Variants in USP7 observed in about 807,000 individuals in gnomAD.
The protein encoded by USP7 is ubiquitin C-terminal hydrolase 7.
In USP7, 9 loss-of-function variants were observed where a neutral mutation model predicts 162.9. That is an observed-to-expected ratio of 0.06 (90% CI 0.03 to 0.10). The LOEUF (loss-of-function observed/expected upper bound fraction) is 0.10. Among genes scored for constraint, USP7 ranks in the 10% least tolerant of loss-of-function variants. USP7 has a pLI of 1.00. For synonymous variants in USP7, 562 were observed against 475.9 expected, an observed-to-expected ratio of 1.18 and a Z score of -2.35; for missense variants, 715 against 1,373.7, an observed-to-expected ratio of 0.52 and a Z score of 7.58.
chr16:8,936,121 G>C (rs1317316630), intron 1 of USP7, among the ~76,000 whole-genome samples: 1 of 152,168 alleles, frequency 6.6e-6, no homozygotes, highest in Non-Finnish European at 1.5e-5. Context: ...CTGCCACCAG[G>C]TGGTGCCTTG....
At chr16:8,936,898 A>C (rs1898769482) in intron 1 of USP7, among the ~76,000 whole-genome samples, 1 of 152,174 alleles carries the variant, frequency 6.6e-6, no homozygotes, top group Non-Finnish European at 1.5e-5. Flanking sequence ...TGGCTGTGAC[A>C]AATCTGGTTT....
intron 1 of USP7, among the ~76,000 whole-genome samples, chr16:8,958,726 C>T (rs1012451857): frequency 2.6e-5 from 4 of 152,214 alleles, no homozygotes; most frequent in Non-Finnish European, 2.9e-5. Context: ...CTAGCACTCA[C>T]GCAAGAATCA....
chr16:8,936,716 CTTTT>C, intron 1 of USP7: 2 of 1,415,884 alleles, frequency 1.4e-6, no homozygotes, highest in Non-Finnish European at 1.8e-6. Flanking sequence ...CCTCAGCATT[CTTTT>C]TTATTTTTTA....
At position 8,963,255 on chromosome 16, in the gene USP7, T is replaced by G. The variant is rs1435667134; in HGVS notation, c.31A>C (p.Lys11Gln). The change falls in exon 1 of 31, where the codon AAA becomes CAA. Residue 11 changes from lysine to glutamine, a missense_variant. Physicochemically the swap from Lys to Gln is moderately conservative, Grantham distance 53. Transcript: ENST00000344836. MNHQQQQQQQ[K>Q]AGEQQLSEPE... ...TCGCTCAACTGCTGCTCGCCCGCTT[T>G]CTGCTGCTGCTGCTGCTGCTGGTGG... The G allele has an allele frequency of 7.3e-7, 1 of 1,373,144 alleles. No individual in the cohort carries two copies. The highest frequency in any genetic ancestry group is 2.6e-5 in the Admixed American group (1 of 38,756). The allele number at this position is 1,373,144 out of a possible 1,614,324, so 85.1% of individuals were successfully genotyped here.
chr16:8,962,024 G>A (rs1900036103), intron 1 of USP7, among the ~76,000 whole-genome samples: 1 of 152,182 alleles, frequency 6.6e-6, no homozygotes, highest in South Asian at 2.1e-4. Context: ...CCAATTACTG[G>A]AAGTAAGTTA....
chr16:8,947,418 G>C (rs958608850), intron 1 of USP7, among the ~76,000 whole-genome samples: 1 of 151,598 alleles, frequency 6.6e-6, no homozygotes, highest in Non-Finnish European at 1.5e-5. Context: ...GTGCCATCTC[G>C]GCTCACTGCA....
intron 3 of USP7, 83 bp from the exon 4 acceptor site, chr16:8,921,378 C>CA (rs1229361282): frequency 6.8e-7 from 1 of 1,476,332 alleles, no homozygotes; most frequent in Non-Finnish European, 9.2e-7. Flanking sequence ...CATAGCACAC[C>CA]AAAATTCCCA....
chr16:8,916,433 G>T, intron 8 of USP7, 69 bp downstream of exon 8: 1 of 1,485,500 alleles, frequency 6.7e-7, no homozygotes, highest in South Asian at 1.3e-5. Context: ...GGTTTTACTT[G>T]GTAATAACTT....
At chr16:8,930,709 C>T (rs1192668585) in intron 1 of USP7, among the ~76,000 whole-genome samples, 1 of 152,136 alleles carries the variant, frequency 6.6e-6, no homozygotes, top group Admixed American at 6.5e-5. Flanking sequence ...TGGCTCATGC[C>T]TGTAATCCTA....
intron 1 of USP7, chr16:8,935,829 C>A (rs1399054029): frequency 6.6e-6 from 1 of 152,152 alleles, no homozygotes; most frequent in African/African-American, 2.4e-5. Flanking sequence ...AATGCCTATA[C>A]CCAGCTTTCC....
chr16:8,902,024 A>G, intron 18 of USP7, 58 bp downstream of exon 18: 1 of 1,419,446 alleles, frequency 7.0e-7, no homozygotes, highest in Admixed American at 1.7e-5. Flanking sequence ...TTAGAACAAC[A>G]ATCCAGGAAT....
chr16:8,932,800 G>C (rs1272882967), intron 1 of USP7, among the ~76,000 whole-genome samples: 1 of 152,046 alleles, frequency 6.6e-6, no homozygotes, highest in Non-Finnish European at 1.5e-5. Flanking sequence ...GGACAAAGCA[G>C]GATAGTGCCT....
At chr16:8,942,640 C>CA (rs1218942808) in intron 1 of USP7, among the ~76,000 whole-genome samples, 15 of 152,190 alleles carry the variant, frequency 9.9e-5, no homozygotes, top group Non-Finnish European at 1.5e-5. Context: ...CATGACCTCC[C>CA]AGGCTCAAGC....
chr16:8,915,420 T>G, intron 9 of USP7, 25 bp downstream of exon 9: 1 of 1,613,648 alleles, frequency 6.2e-7, no homozygotes, highest in Non-Finnish European at 8.5e-7. Context: ...TTAAAAATCA[T>G]CTTTTAGAAC....
intron 1 of USP7, among the ~76,000 whole-genome samples, chr16:8,933,899 C>A (rs1192859608): frequency 6.6e-6 from 1 of 151,938 alleles, no homozygotes; most frequent in Admixed American, 6.6e-5. Flanking sequence ...AGGATTACAG[C>A]CGTGTGCCAC....
intron 1 of USP7, among the ~76,000 whole-genome samples, chr16:8,957,486 A>G (rs1301663686): frequency 1.3e-5 from 2 of 152,046 alleles, no homozygotes; most frequent in Non-Finnish European, 2.9e-5. Context: ...GCTCACACCT[A>G]TAATCCCAGT....
At chr16:8,899,385 A>G in intron 22 of USP7, 197 bp from the exon 23 acceptor site, 1 of 766,824 alleles carries the variant, frequency 1.3e-6, no homozygotes, top group South Asian at 1.9e-5. Flanking sequence ...AACTTTGGAA[A>G]GGGTTTTCAC....
intron 3 of USP7, among the ~76,000 whole-genome samples, chr16:8,922,948 C>A (rs902404354): frequency 3.9e-5 from 6 of 152,218 alleles, no homozygotes; most frequent in African/African-American, 9.6e-5. Flanking sequence ...AAGAATTAAG[C>A]CTGGTGGCTC....
At position 8,908,376 on chromosome 16, in the gene USP7, G is replaced by T; in HGVS notation, c.1236C>A (p.Asp412Glu). The stretch of plus-strand genomic sequence containing the variant: ...TCTTGATATTTTGGTCCGTCTGAGG[G>T]TCATACATAAATCTCATCAGTTGTA... The part of the protein sequence containing the change: ...LHLQLMRFMY[D>E]PQTDQNIKIN... Residue 412 changes from aspartate to glutamate, a missense_variant, in exon 12 of 31, where the codon GAC becomes GAA. By Grantham distance (45) the Asp-to-Glu change is conservative. Transcript: ENST00000344836. 1 of 1,614,040 alleles carries T rather than the reference G, an allele frequency of 6.2e-7. No homozygotes were observed. The highest frequency in any genetic ancestry group is 8.5e-7 in the Non-Finnish European group (1 of 1,179,982).
Sources: allele counts gnomAD v4.1 joint callset (sites outside exome capture counted in the v4.1 genomes callset), GRCh38; gene constraint gnomAD v4.1.1; transcripts MANE v1.5; gene names NCBI Gene and HGNC (gene_info 2026-07-23, HGNC 2026-07-21).